The following LPXN variants were observed in gnomAD, a reference collection of about 807,000 sequenced individuals.
LPXN encodes the protein leupaxin.
Under a neutral mutation model 45.6 loss-of-function variants are expected in LPXN, and 28 were observed. That is an observed-to-expected ratio of 0.61 (90% CI 0.45 to 0.84). LPXN has a LOEUF of 0.84. Among genes scored for constraint, LPXN ranks in the 40% least tolerant of loss-of-function variants. The probability of loss-of-function intolerance (pLI) is 0.00; values close to 1 mark genes in which losing one functional copy is unlikely to be tolerated. For missense variants in LPXN, 459 were observed against 475.0 expected (o/e 0.97, Z 0.31); for synonymous variants, 166 against 169.9 (o/e 0.98, Z 0.18).
At chr11:58,568,079 CAT>C (rs754414232) in intron 2 of LPXN, among the ~76,000 whole-genome samples, 202 of 152,290 alleles carry the variant, frequency 1.3e-3, no homozygotes, top group Non-Finnish European at 2.1e-3. Flanking sequence ...CACACGACCA[CAT>C]GAGGGCATGA....
intron 1 of LPXN, among the ~76,000 whole-genome samples, chr11:58,572,209 A>T (rs971673921): frequency 7.3e-4 from 107 of 146,584 alleles, no homozygotes; most frequent in African/African-American, 2.5e-3. Context: ...ACAGGTCATT[A>T]AAAAAAAAAC....
At chr11:58,561,671 A>G (rs1854382394) in intron 3 of LPXN, among the ~76,000 whole-genome samples, 1 of 152,236 alleles carries the variant, frequency 6.6e-6, no homozygotes, top group African/African-American at 2.4e-5. Flanking sequence ...GAACAAATGC[A>G]GTTTCTTAGC....
At chr11:58,574,591 A>G (rs994703769) in intron 1 of LPXN, among the ~76,000 whole-genome samples, 2 of 152,134 alleles carry the variant, frequency 1.3e-5, no homozygotes, top group Non-Finnish European at 2.9e-5. Context: ...AGAAAGAGAA[A>G]AAGAAAAAAG....
chr11:58,536,238 C>G (rs1853549238), intron 7 of LPXN, among the ~76,000 whole-genome samples: 1 of 152,208 alleles, frequency 6.6e-6, no homozygotes, highest in Non-Finnish European at 1.5e-5. Context: ...CTGGAGGCAT[C>G]ATGCTACCTG....
intron 3 of LPXN, among the ~76,000 whole-genome samples, chr11:58,560,205 T>C (rs1004561921): frequency 4.6e-5 from 7 of 152,184 alleles, no homozygotes; most frequent in Non-Finnish European, 7.3e-5. Context: ...GATGAAGTGG[T>C]GGAGGTGTCA....
chr11:58,575,728 C>T (rs201278822), intron 1 of LPXN, 32 bp downstream of exon 1: 49 of 1,613,782 alleles, frequency 3.0e-5, no homozygotes, highest in Non-Finnish European at 4.2e-5. Flanking sequence ...GTCTTCACTC[C>T]CTCAGAGTTT....
upstream of LPXN, among the ~76,000 whole-genome samples, chr11:58,576,318 C>A (rs1392958063): frequency 5.9e-5 from 9 of 152,170 alleles, no homozygotes; most frequent in East Asian, 1.7e-3. Flanking sequence ...CTGCATGGAA[C>A]GTAAATCCTT....
rs1450014799 is a variant in LPXN, at chr11:58,554,941, C to T, written c.219-1G>A. On this transcript the variant is annotated splice_acceptor_variant, in intron 3 of 8. Coordinates refer to ENST00000395074, the MANE Select transcript of LPXN (RefSeq NM_004811.3). LOFTEE classifies it high-confidence loss of function. ...TGATTCCTTTGGCTCTTGGGCTTCA[C>T]TATAGAGGGAAAACAAAAAAGTCAT... The T allele has an allele frequency of 1.2e-6, 2 of 1,607,500 alleles. No homozygotes were observed. The highest frequency in any genetic ancestry group is 2.2e-5 in the South Asian group (2 of 90,912).
chr11:58,570,783 T>G, intron 1 of LPXN, 70 bp from the exon 2 acceptor site: 1 of 1,178,572 alleles, frequency 8.5e-7, no homozygotes, highest in Non-Finnish European at 1.2e-6. Context: ...TCTCCTTAAA[T>G]ATCTTCACTG....
At chr11:58,528,504 G>C (rs1458899958) in intron 7 of LPXN, among the ~76,000 whole-genome samples, 2 of 152,180 alleles carry the variant, frequency 1.3e-5, no homozygotes, top group Non-Finnish European at 2.9e-5. Context: ...TTCATGTGAT[G>C]CAAGAATCAC....
intron 3 of LPXN, among the ~76,000 whole-genome samples, chr11:58,556,315 G>A (rs1401828809): frequency 5.9e-5 from 9 of 151,978 alleles, no homozygotes; most frequent in Non-Finnish European, 7.4e-5. Context: ...TGAAAAAGCC[G>A]TGGAAGACAT....
At chr11:58,548,341 T>C (rs1198361193) in intron 7 of LPXN, among the ~76,000 whole-genome samples, 1 of 151,848 alleles carries the variant, frequency 6.6e-6, no homozygotes, top group African/African-American at 2.4e-5. Flanking sequence ...GAGTAATTAC[T>C]AGATATAATT....
intron 1 of LPXN, among the ~76,000 whole-genome samples, chr11:58,574,976 G>A (rs1854836285): frequency 6.6e-6 from 1 of 152,204 alleles, no homozygotes; most frequent in South Asian, 2.1e-4. Context: ...ATTGGGTATA[G>A]TTTAGTGACT....
chr11:58,577,495 C>T (rs1372837249), upstream of LPXN, among the ~76,000 whole-genome samples: 1 of 152,126 alleles, frequency 6.6e-6, no homozygotes, highest in Non-Finnish European at 1.5e-5. Context: ...GGACTTTTAG[C>T]CCTGGATGCC....
chr11:58,563,516 G>C (rs1230331985), intron 3 of LPXN, among the ~76,000 whole-genome samples: 2 of 152,112 alleles, frequency 1.3e-5, no homozygotes, highest in Non-Finnish European at 2.9e-5. Flanking sequence ...TCTTTAATTT[G>C]TTTTCCAGAA....
At chr11:58,570,734 GA>G (rs1565206053) in intron 1 of LPXN, 21 bp from the exon 2 acceptor site, 2 of 1,576,344 alleles carry the variant, frequency 1.3e-6, no homozygotes, top group African/African-American at 2.7e-5. Flanking sequence ...AGAAGCAAGA[GA>G]ATCATGACAG....
At position 58,568,039 on chromosome 11, in the gene LPXN, G is replaced by A. The variant is rs535021060; in HGVS notation, c.171+2517C>T. Among the ~76,000 whole-genome samples, 18 of 152,264 alleles carry A rather than the reference G, an allele frequency of 1.2e-4. No homozygotes were observed. In the South Asian group the frequency reaches 3.7e-3, roughly 32 times the overall value. ...TCTCCCATTTTCTACTGACTCTGAG[G>A]AGGTTCCACGCATCTCACAGGCCAC... On this transcript the variant is annotated intron_variant, in intron 2 of 8. Transcript: ENST00000395074.
At chr11:58,556,029 T>C (rs1314037753) in intron 3 of LPXN, among the ~76,000 whole-genome samples, 2 of 151,994 alleles carry the variant, frequency 1.3e-5, no homozygotes, top group African/African-American at 4.8e-5. Flanking sequence ...CCCAAATACA[T>C]AGAAAAATAT....
At chr11:58,572,417 T>C (rs1161348574) in intron 1 of LPXN, among the ~76,000 whole-genome samples, 2 of 151,968 alleles carry the variant, frequency 1.3e-5, no homozygotes, top group Non-Finnish European at 2.9e-5. Context: ...ATAACTGTAA[T>C]GGGAAAAAAG....
Sources: gnomAD v4.1 joint callset for allele counts (sites outside exome capture counted in the v4.1 genomes callset) on GRCh38, gnomAD v4.1.1 for gene constraint, MANE v1.5 for transcripts, NCBI Gene and HGNC (gene_info 2026-07-23, HGNC 2026-07-21) for gene names.